The following TDG variants were observed in gnomAD, a reference collection of about 807,000 sequenced individuals.
TDG encodes G/T mismatch-specific thymine DNA glycosylase.
In TDG, 23 loss-of-function variants were observed where a neutral mutation model predicts 46.1. That is an observed-to-expected ratio of 0.50 (90% CI 0.36 to 0.71). The LOEUF (loss-of-function observed/expected upper bound fraction) is 0.71. Among genes scored for constraint, TDG ranks in the 30% least tolerant of loss-of-function variants. The probability of loss-of-function intolerance (pLI) is 0.00; values close to 1 mark genes in which losing one functional copy is unlikely to be tolerated. For synonymous variants in TDG, 115 were observed against 161.3 expected, an observed-to-expected ratio of 0.71 and a Z score of 2.18; for missense variants, 304 against 486.7, an observed-to-expected ratio of 0.62 and a Z score of 3.53.
intron 9 of TDG, among the ~76,000 whole-genome samples, chr12:103,986,032 G>A (rs568507342): frequency 1.3e-5 from 2 of 152,190 alleles, no homozygotes; most frequent in African/African-American, 4.8e-5. Flanking sequence ...CCATTCTCCT[G>A]CCTCAGCCTC....
chr12:103,983,412 G>T (rs751250899), intron 7 of TDG, 23 bp downstream of exon 7: 7 of 1,504,590 alleles, frequency 4.7e-6, no homozygotes, highest in Non-Finnish European at 6.3e-6. Context: ...AATTGAATTT[G>T]TAAATCAGCT....
intron 1 of TDG, among the ~76,000 whole-genome samples, chr12:103,968,995 G>A (rs1320701604): frequency 6.6e-6 from 1 of 152,172 alleles, no homozygotes; most frequent in Admixed American, 6.5e-5. Context: ...GGGCATGGTG[G>A]CATAACTAGT....
Position 103,987,109 on chromosome 12 carries a change from C to A in TDG, c.*19C>A, listed in dbSNP as rs1300870752. On this transcript the variant is annotated 3_prime_UTR_variant, in exon 10 of 10. Coordinates refer to ENST00000392872, the MANE Select transcript of TDG (RefSeq NM_003211.6). ...TGCTTAAGAATGGTGCTTCTCAGCT[C>A]TGCTTAAATGCTGCAGTTTTAATGC... The A allele has an allele frequency of 1.2e-6, 2 of 1,610,794 alleles. No homozygotes were observed. Among genetic ancestry groups the A allele is most frequent in the Admixed American group, 1.7e-5 (1 of 60,000 alleles).
At chr12:103,966,213 C>T (rs777133056) in intron 1 of TDG, among the ~76,000 whole-genome samples, 153 bp downstream of exon 1, 5 of 152,216 alleles carry the variant, frequency 3.3e-5, no homozygotes, top group South Asian at 4.1e-4. Flanking sequence ...TCGGCCTTTC[C>T]TTCCCTGGCT....
At chr12:103,970,593 C>G (rs527672723) in intron 1 of TDG, among the ~76,000 whole-genome samples, 1 of 151,796 alleles carries the variant, frequency 6.6e-6, no homozygotes, top group Non-Finnish European at 1.5e-5. Context: ...TGAAATACAG[C>G]AAATCTAGCT....
At chr12:103,973,408 G>T (rs546177855) in intron 1 of TDG, among the ~76,000 whole-genome samples, 1 of 152,006 alleles carries the variant, frequency 6.6e-6, no homozygotes. Flanking sequence ...TCTTTTGCTC[G>T]CTCATTTATT....
Position 103,984,976 on chromosome 12 carries a change from T to A in TDG, c.964+56T>A, listed in dbSNP as rs927232899. 4.4e-6 allele frequency: 6 copies of A among 1,357,400 alleles called. No homozygotes were observed. In the African/African-American group the frequency reaches 7.4e-5, roughly 17 times the overall value. 84.1% of individuals were successfully genotyped at this position (1,357,400 alleles called of 1,614,324 possible). On this transcript the variant is annotated intron_variant, in intron 8 of 9. Coordinates refer to ENST00000392872, the MANE Select transcript of TDG (RefSeq NM_003211.6). ...TTTTGTGTGTGTATATATACACATA[T>A]ATACTTACATATATATACACATATA... is the stretch of plus-strand genomic sequence containing the variant.
chr12:103,980,520 T>C (rs1566181875), intron 3 of TDG: 2 of 227,396 alleles, frequency 8.8e-6, no homozygotes, highest in Non-Finnish European at 1.7e-5. Flanking sequence ...GTGTAGGTGA[T>C]GTGGAGCGAG....
intron 1 of TDG, 98 bp downstream of exon 1, chr12:103,966,158 G>T: frequency 7.4e-7 from 1 of 1,359,386 alleles, no homozygotes; most frequent in Non-Finnish European, 9.6e-7. Context: ...TTAAATCCCG[G>T]CCGGAATACA....
chr12:103,987,233 G>C lies in TDG; in HGVS notation c.*143G>C. 4 of 1,273,142 alleles carry C rather than the reference G, an allele frequency of 3.1e-6. No homozygotes were observed. Among genetic ancestry groups the C allele is most frequent in the Non-Finnish European group, 4.3e-6 (4 of 930,604 alleles). The allele number at this position is 1,273,142 out of a possible 1,614,324, so 78.9% of individuals were successfully genotyped here. Reference sequence around the variant, plus strand: ...TAATGTAGAACAGTTGTGTGGTAGTGTGAACCGTATGAACCTAAGTAGTTT... The same window carrying C: ...TAATGTAGAACAGTTGTGTGGTAGTCTGAACCGTATGAACCTAAGTAGTTT... On this transcript the variant is annotated 3_prime_UTR_variant, in exon 10 of 10. Coordinates refer to ENST00000392872, the MANE Select transcript of TDG (RefSeq NM_003211.6).
At chr12:103,968,350 C>T (rs1326602784) in intron 1 of TDG, among the ~76,000 whole-genome samples, 1 of 152,104 alleles carries the variant, frequency 6.6e-6, no homozygotes, top group Non-Finnish European at 1.5e-5. Context: ...AAGATTAACC[C>T]TTGCATGAGA....
In TDG at chr12:103,984,892, A is replaced by G. The variant is rs201252761; in HGVS notation, c.936A>G (p.Gln312=). ...GAAATATGGACGTTCAAGAGGTGCA[A>G]TATACATTTGACCTACAGCTTGCCC... The part of the protein sequence containing the change: ...IERNMDVQEV[Q]YTFDLQLAQE... Residue 312 remains glutamine (Q), a synonymous_variant, in exon 8 of 10, where the codon CAA becomes CAG. Coordinates refer to ENST00000392872, the MANE Select transcript of TDG (RefSeq NM_003211.6). 6 of 1,612,728 alleles carry G rather than the reference A, an allele frequency of 3.7e-6. No homozygotes were observed. Among genetic ancestry groups the G allele is most frequent in the South Asian group, 2.2e-5 (2 of 90,994 alleles).
chr12:103,974,991 A>G (rs1871465301), intron 1 of TDG, among the ~76,000 whole-genome samples: 1 of 87,780 alleles, frequency 1.1e-5, no homozygotes, highest in Non-Finnish European at 2.9e-5. Flanking sequence ...AAAAAAAAAA[A>G]AAGAAAAAGA....
At position 103,985,753 on chromosome 12, in the gene TDG, T is replaced by C. The variant is rs201367737; in HGVS notation, c.1090+25T>C. On this transcript the variant is annotated intron_variant, in intron 9 of 9. Coordinates refer to ENST00000392872, the MANE Select transcript of TDG (RefSeq NM_003211.6). The stretch of plus-strand genomic sequence containing the variant: ...AGTATGGTTCCCTCCACATGTGTAT[T>C]CCTTTCAAAGACGGTTTGGTCAGGA... The C allele has an allele frequency of 7.9e-6, 11 of 1,396,898 alleles. No homozygotes were observed. The East Asian group carries it at 2.8e-4, about 36-fold the overall frequency. 86.5% of individuals were successfully genotyped at this position (1,396,898 alleles called of 1,614,324 possible).
At position 103,984,997 on chromosome 12, in the gene TDG, A is replaced by T. The variant is rs575598681; in HGVS notation, c.964+77A>T. The T allele has an allele frequency of 4.4e-6, 5 of 1,124,452 alleles. No individual in the cohort carries two copies. The Admixed American group carries it at 1.4e-4, about 30-fold the overall frequency. 69.7% of individuals were successfully genotyped at this position (1,124,452 alleles called of 1,614,324 possible). On this transcript the variant is annotated intron_variant, in intron 8 of 9. Coordinates refer to ENST00000392872, the MANE Select transcript of TDG (RefSeq NM_003211.6). ...CATATATACTTACATATATATACAC[A>T]TATACATATATACATATACACATAT...
intron 2 of TDG, among the ~76,000 whole-genome samples, chr12:103,979,628 A>G (rs1028286097): frequency 6.6e-6 from 1 of 152,160 alleles, no homozygotes; most frequent in African/African-American, 2.4e-5. Flanking sequence ...CAGGGGAAGG[A>G]GAGTGGCATG....
chr12:103,971,472 C>T (rs1366153981), intron 1 of TDG, among the ~76,000 whole-genome samples: 1 of 152,128 alleles, frequency 6.6e-6, no homozygotes, highest in Admixed American at 6.5e-5. Context: ...AGGAGAATCA[C>T]TTGAACCCAG....
At chr12:103,978,150 G>A (rs544266470) in intron 2 of TDG, among the ~76,000 whole-genome samples, 7 of 152,274 alleles carry the variant, frequency 4.6e-5, no homozygotes, top group African/African-American at 1.7e-4. Context: ...ATAATCTAGG[G>A]GAGCACTGAG....
At chr12:103,984,283 G>A (rs1257643268) in intron 7 of TDG, among the ~76,000 whole-genome samples, 2 of 152,066 alleles carry the variant, frequency 1.3e-5, no homozygotes, top group African/African-American at 4.8e-5. Flanking sequence ...GTAGAGTACT[G>A]TGTCATTCTC....
Sources: allele counts gnomAD v4.1 joint callset (sites outside exome capture counted in the v4.1 genomes callset), GRCh38; gene constraint gnomAD v4.1.1; transcripts MANE v1.5; gene names NCBI Gene and HGNC (gene_info 2026-07-23, HGNC 2026-07-21).